The following ADGRB3 variants were observed in gnomAD, a reference collection of about 807,000 sequenced individuals.
ADGRB3 encodes the protein adhesion G protein-coupled receptor B3.
In ADGRB3, 37 loss-of-function variants were observed where a neutral mutation model predicts 193.4. The observed-to-expected ratio is 0.19, with a 90% CI of 0.15 to 0.25. ADGRB3 has a LOEUF of 0.25. ADGRB3 is among the 10% of genes least tolerant of loss of function. The pLI, the probability that ADGRB3 is intolerant of heterozygous loss-of-function variation, is 1.00. For missense variants in ADGRB3, 1,637 were observed against 1,852.9 expected, an observed-to-expected ratio of 0.88 and a Z score of 2.14; for synonymous variants, 690 against 644.2, an observed-to-expected ratio of 1.07 and a Z score of -1.08.
chr6:69,269,577 G>A (rs866622680), intron 20 of ADGRB3, among the ~76,000 whole-genome samples: 4 of 152,114 alleles, frequency 2.6e-5, no homozygotes, highest in South Asian at 2.1e-4. Flanking sequence ...TTACCAGTAA[G>A]CCTTGTTATT....
At chr6:68,882,910 T>G (rs1765773297) in intron 3 of ADGRB3, among the ~76,000 whole-genome samples, 1 of 152,142 alleles carries the variant, frequency 6.6e-6, no homozygotes, top group South Asian at 2.1e-4. Context: ...GTTTTGTTTT[T>G]TGAGACAGAG....
At chr6:69,203,462 C>A (rs1182770561) in intron 17 of ADGRB3, among the ~76,000 whole-genome samples, 1 of 139,126 alleles carries the variant, frequency 7.2e-6, no homozygotes, top group Non-Finnish European at 1.6e-5. Flanking sequence ...TTTTTTTTTT[C>A]TCTTACCCAT....
intron 17 of ADGRB3, among the ~76,000 whole-genome samples, chr6:69,078,913 T>G: frequency 6.6e-6 from 1 of 152,080 alleles, no homozygotes; most frequent in African/African-American, 2.4e-5. Context: ...CGATAAATAT[T>G]TATTGGCTAC....
intron 3 of ADGRB3, among the ~76,000 whole-genome samples, chr6:68,805,590 A>G (rs1028191708): frequency 6.6e-6 from 1 of 152,156 alleles, no homozygotes; most frequent in Non-Finnish European, 1.5e-5. Flanking sequence ...GAGACCAGAG[A>G]TGAAAGATCC....
chr6:69,191,044 T>C (rs1765176240), intron 17 of ADGRB3, among the ~76,000 whole-genome samples: 1 of 152,182 alleles, frequency 6.6e-6, no homozygotes, highest in East Asian at 1.9e-4. Context: ...AAGTGACACA[T>C]GACTGTATTT....
At chr6:68,677,966 GATGAGATATCACCCTGTAAAA>G (rs1180283930) in intron 3 of ADGRB3, among the ~76,000 whole-genome samples, 5 of 150,358 alleles carry the variant, frequency 3.3e-5, no homozygotes, top group African/African-American at 1.2e-4. Context: ...TTTTTAATTT[GATGAGATATCACCCTGTAAAA>G]ATAACCATCT....
rs560187899 is a variant in ADGRB3 at position 68,824,013 on chromosome 6, C to T, written c.758-106546C>T. The stretch of plus-strand genomic sequence containing the variant: ...GCTGAAGATTTACTGCTACGTGCAT[C>T]GCTGTGGAATTCTTCATATTTGTCT... On this transcript the variant is annotated intron_variant, in intron 3 of 31. Transcript: ENST00000370598. 1.8e-4 allele frequency among the ~76,000 whole-genome samples: 27 copies of T among 152,206 alleles called. No individual in the cohort carries two copies. The South Asian group carries it at 4.8e-3, about 27-fold the overall frequency.
intron 3 of ADGRB3, among the ~76,000 whole-genome samples, chr6:68,667,437 A>G (rs961031797): frequency 2.6e-5 from 4 of 151,918 alleles, no homozygotes; most frequent in African/African-American, 9.7e-5. Flanking sequence ...CTTCTCTTTA[A>G]CCTAATATTA....
At chr6:69,303,587 A>T (rs894873795) in intron 20 of ADGRB3, among the ~76,000 whole-genome samples, 1 of 151,784 alleles carries the variant, frequency 6.6e-6, no homozygotes, top group African/African-American at 2.4e-5. Context: ...ACATTCAGCA[A>T]TTTTTTTCCT....
rs184287903 is a variant in ADGRB3, at chr6:68,869,955, T to A, written c.758-60604T>A. The stretch of plus-strand genomic sequence containing the variant: ...CACCATGCCTGGCTAATTTTTGTAT[T>A]TTTAGTAGAGACGGGATTTCACCAT... On this transcript the variant is annotated intron_variant, in intron 3 of 31. Transcript: ENST00000370598. Among the ~76,000 whole-genome samples the A allele has an allele frequency of 1.1e-4, 16 of 151,056 alleles. No homozygotes were observed. The East Asian group carries it at 2.5e-3, about 24-fold the overall frequency.
intron 17 of ADGRB3, among the ~76,000 whole-genome samples, 185 bp downstream of exon 17, chr6:69,076,223 A>G (rs1299110402): frequency 2.0e-5 from 3 of 152,132 alleles, no homozygotes; most frequent in African/African-American, 7.2e-5. Flanking sequence ...TGATGCCATC[A>G]GGTTACATCT....
chr6:68,779,944 A>G (rs1250579707), intron 3 of ADGRB3, among the ~76,000 whole-genome samples: 1 of 152,130 alleles, frequency 6.6e-6, no homozygotes, highest in East Asian at 1.9e-4. Flanking sequence ...AAGTTTCCCT[A>G]AGAGTGTATT....
intron 17 of ADGRB3, among the ~76,000 whole-genome samples, chr6:69,161,336 A>G (rs1416210845): frequency 6.6e-6 from 1 of 152,136 alleles, no homozygotes; most frequent in Non-Finnish European, 1.5e-5. Context: ...CTTAGGGATG[A>G]ATAACACTAG....
chr6:68,727,745 C>A (rs1024015465), intron 3 of ADGRB3, among the ~76,000 whole-genome samples: 1 of 151,384 alleles, frequency 6.6e-6, no homozygotes, highest in East Asian at 1.9e-4. Flanking sequence ...TTCTATAGGC[C>A]TTTCTTGAAA....
chr6:69,300,319 A>G (rs1357046171), intron 20 of ADGRB3, among the ~76,000 whole-genome samples: 1 of 151,790 alleles, frequency 6.6e-6, no homozygotes. Flanking sequence ...ACATAGTCCA[A>G]CACAATAAAG....
At chr6:68,827,773 G>A (rs1287704959) in intron 3 of ADGRB3, among the ~76,000 whole-genome samples, 1 of 152,056 alleles carries the variant, frequency 6.6e-6, no homozygotes, top group East Asian at 1.9e-4. Flanking sequence ...ATCTTTGTTA[G>A]TGTAGCCCAA....
intron 26 of ADGRB3, among the ~76,000 whole-genome samples, chr6:69,348,656 T>C (rs1769158920): frequency 1.3e-5 from 2 of 150,510 alleles, no homozygotes; most frequent in Non-Finnish European, 3.0e-5. Flanking sequence ...AGCAAGACTC[T>C]GCCAAAAAAA....
intron 3 of ADGRB3, among the ~76,000 whole-genome samples, chr6:68,865,954 A>G (rs1274374153): frequency 6.6e-6 from 1 of 152,262 alleles, no homozygotes; most frequent in East Asian, 1.9e-4. Flanking sequence ...TGATTCTTAC[A>G]CTACCTCTGT....
At chr6:68,732,055 T>A (rs1200980332) in intron 3 of ADGRB3, among the ~76,000 whole-genome samples, 1 of 151,832 alleles carries the variant, frequency 6.6e-6, no homozygotes, top group Non-Finnish European at 1.5e-5. Flanking sequence ...TTAATTTTAT[T>A]ATTACATCTT....
Sources: allele counts gnomAD v4.1 joint callset (sites outside exome capture counted in the v4.1 genomes callset), GRCh38; gene constraint gnomAD v4.1.1; transcripts MANE v1.5; gene names NCBI Gene and HGNC (gene_info 2026-07-23, HGNC 2026-07-21).